SND1: variants seen among roughly 807,000 people sequenced by gnomAD.
The protein encoded by SND1 is staphylococcal nuclease domain-containing protein 1.
In SND1, 38 loss-of-function variants were observed where a neutral mutation model predicts 121.7. The ratio of observed to expected loss-of-function variants is 0.31; its 90% CI spans 0.24 to 0.41. The LOEUF is 0.41. SND1 is among the 10% of genes least tolerant of loss of function. SND1 has a pLI of 1.00. For synonymous variants in SND1, 401 were observed against 447.4 expected (o/e 0.90, Z 1.31); for missense variants, 868 against 1,184.6 (o/e 0.73, Z 3.92).
intron 11 of SND1, among the ~76,000 whole-genome samples, chr7:127,825,873 A>G (rs1258394415): frequency 6.6e-6 from 1 of 152,160 alleles, no homozygotes; most frequent in Non-Finnish European, 1.5e-5. Context: ...TTATATTCTA[A>G]TCTGTCTGTG....
At chr7:127,865,915 CTTTT>C (rs57998727) in intron 12 of SND1, among the ~76,000 whole-genome samples, 2 of 143,506 alleles carry the variant, frequency 1.4e-5, no homozygotes, top group African/African-American at 5.1e-5. Flanking sequence ...TTTATTTCTC[CTTTT>C]TTTTTTTTTT....
chr7:128,034,620 GC>G (rs1291368630), intron 16 of SND1, among the ~76,000 whole-genome samples: 1 of 152,180 alleles, frequency 6.6e-6, no homozygotes, highest in Non-Finnish European at 1.5e-5. Context: ...GAAAGTGGGG[GC>G]CGAGTTGGGT....
intron 16 of SND1, among the ~76,000 whole-genome samples, chr7:127,995,586 G>C (rs1802628325): frequency 6.6e-6 from 1 of 152,222 alleles, no homozygotes. Context: ...TGGCATTCCT[G>C]TCTAAAACAC....
intron 10 of SND1, among the ~76,000 whole-genome samples, chr7:127,759,270 A>G (rs762716636): frequency 6.6e-6 from 1 of 152,200 alleles, no homozygotes; most frequent in Non-Finnish European, 1.5e-5. Context: ...TAAACATTTC[A>G]TGGTGAGGTG....
At chr7:127,903,025 G>A (rs188963864) in intron 13 of SND1, among the ~76,000 whole-genome samples, 2 of 152,024 alleles carry the variant, frequency 1.3e-5, no homozygotes, top group African/African-American at 4.8e-5. Context: ...GGGATTCCAG[G>A]TACCTGCCAC....
At chr7:128,089,777 G>C in intron 22 of SND1, 85 bp downstream of exon 22, 3 of 1,223,750 alleles carry the variant, frequency 2.5e-6, no homozygotes, top group Non-Finnish European at 3.5e-6. Context: ...GAAGGGAGCA[G>C]GGAATCCACC....
At chr7:127,751,480 A>G (rs1164104406) in intron 10 of SND1, among the ~76,000 whole-genome samples, 2 of 152,180 alleles carry the variant, frequency 1.3e-5, no homozygotes, top group African/African-American at 4.8e-5. Context: ...CTGCTTTTAT[A>G]CTACATAGAT....
At chr7:127,742,103 T>G (rs1375336892) in intron 10 of SND1, among the ~76,000 whole-genome samples, 2 of 152,174 alleles carry the variant, frequency 1.3e-5, no homozygotes, top group Non-Finnish European at 2.9e-5. Context: ...ATCTACTTGA[T>G]GGGCAGCTGG....
At chr7:127,910,112 T>C (rs61635794) in intron 14 of SND1, among the ~76,000 whole-genome samples, 1,713 of 152,078 alleles carry the variant, frequency 0.011, 30 homozygotes, top group African/African-American at 0.039. Context: ...GATGGAAGCA[T>C]AAGAAAAAAA....
At chr7:127,906,042 C>T (rs1364505649) in intron 14 of SND1, among the ~76,000 whole-genome samples, 1 of 152,128 alleles carries the variant, frequency 6.6e-6, no homozygotes, top group Non-Finnish European at 1.5e-5. Flanking sequence ...TCCCCCTTGC[C>T]TAGGTGTAGT....
chr7:127,757,772 G>A (rs1797223068), intron 10 of SND1, among the ~76,000 whole-genome samples: 1 of 152,128 alleles, frequency 6.6e-6, no homozygotes, highest in African/African-American at 2.4e-5. Flanking sequence ...TGTATATTCT[G>A]AATGTGACTT....
At chr7:127,896,026 C>G (rs188262053) in intron 13 of SND1, among the ~76,000 whole-genome samples, 1 of 152,192 alleles carries the variant, frequency 6.6e-6, no homozygotes, top group African/African-American at 2.4e-5. Context: ...TCCTGCAGAT[C>G]ATGGGTGGAT....
At chr7:127,948,665 C>G (rs994411821) in intron 15 of SND1, among the ~76,000 whole-genome samples, 4 of 152,196 alleles carry the variant, frequency 2.6e-5, no homozygotes, top group African/African-American at 7.2e-5. Context: ...GGACCTTGGG[C>G]TTTGGTGATA....
chr7:127,733,438 G>A (rs1250077847), intron 10 of SND1, among the ~76,000 whole-genome samples: 2 of 152,186 alleles, frequency 1.3e-5, no homozygotes, highest in Non-Finnish European at 2.9e-5. Flanking sequence ...CTGAAGCTGA[G>A]GAGTAGGGAC....
chr7:127,997,991 T>C (rs758517369), intron 16 of SND1: 1 of 531,564 alleles, frequency 1.9e-6, no homozygotes, highest in Non-Finnish European at 3.9e-6. Context: ...ACCAATAGTA[T>C]ACAAGGGATC....
At chr7:127,785,555 A>G (rs750699172) in intron 10 of SND1, among the ~76,000 whole-genome samples, 29 of 152,200 alleles carry the variant, frequency 1.9e-4, no homozygotes, top group African/African-American at 2.4e-4. Context: ...TAACAATTCA[A>G]TATCTTTCTG....
chr7:128,030,716 G>C (rs1439910082), intron 16 of SND1: 3 of 1,491,612 alleles, frequency 2.0e-6, no homozygotes, highest in Non-Finnish European at 1.8e-6. Context: ...CCCGGCTTAA[G>C]TGAGCTAGGA....
At chr7:127,815,560 CAG>C (rs902582496) in intron 11 of SND1, among the ~76,000 whole-genome samples, 1 of 151,806 alleles carries the variant, frequency 6.6e-6, no homozygotes, top group African/African-American at 2.4e-5. Context: ...GTATTGGGCA[CAG>C]AGAGAAAGAG....
intron 10 of SND1, among the ~76,000 whole-genome samples, chr7:127,780,565 G>C (rs183282056): frequency 1.6e-3 from 218 of 137,772 alleles, no homozygotes; most frequent in Admixed American, 8.5e-3. Flanking sequence ...TGACACCTAA[G>C]ATTTGGACTT....
Sources: allele counts gnomAD v4.1 joint callset (sites outside exome capture counted in the v4.1 genomes callset), GRCh38; gene constraint gnomAD v4.1.1; transcripts MANE v1.5; gene names NCBI Gene and HGNC (gene_info 2026-07-23, HGNC 2026-07-21).